Variants in PLOD3 observed in about 807,000 individuals in gnomAD.
The protein encoded by PLOD3 is procollagen-lysine,2-oxoglutarate 5-dioxygenase 3.
In PLOD3, 73 loss-of-function variants were observed where a neutral mutation model predicts 96.9. That is an observed-to-expected ratio of 0.75 (90% confidence interval 0.62 to 0.92). PLOD3 has a LOEUF of 0.92. Among genes scored for constraint, PLOD3 ranks in the 40% least tolerant of loss-of-function variants. The pLI, the probability that PLOD3 is intolerant of heterozygous loss-of-function variation, is 0.00. For missense variants in PLOD3, 1,004 were observed against 1,004.3 expected, an observed-to-expected ratio of 1.00 and a Z score of 0.00; for synonymous variants, 454 against 413.7, an observed-to-expected ratio of 1.10 and a Z score of -1.18.
intron 15 of PLOD3, among the ~76,000 whole-genome samples, chr7:101,209,433 A>C (rs1439334404): frequency 1.3e-5 from 2 of 151,672 alleles, no homozygotes; most frequent in African/African-American, 4.8e-5. Flanking sequence ...GGTGGAGTGC[A>C]GTGGCGTGAT....
chr7:101,212,608 C>T lies in PLOD3; in HGVS notation c.927G>A (p.Pro309=), dbSNP rs753031028. 27 of 1,613,670 alleles carry T rather than the reference C, an allele frequency of 1.7e-5. No individual in the cohort carries two copies. The highest frequency in any genetic ancestry group is 5.0e-5 in the Admixed American group (3 of 59,932). Residue 309 remains proline (P), a synonymous_variant, in exon 9 of 19, where the codon CCG becomes CCA. Coordinates refer to ENST00000223127, the MANE Select transcript of PLOD3 (RefSeq NM_001084.5). The part of the protein sequence containing the change: ...FLAVFVEQPT[P]FLPRFLQRLL... ...GCCGCTGCAGGAAGCGGGGCAGAAA[C>T]GGAGTAGGCTGTTCCACAAACACGG...
At chr7:101,210,784 C>G in intron 12 of PLOD3, 111 bp from the exon 13 acceptor site, 2 of 1,195,768 alleles carry the variant, frequency 1.7e-6, no homozygotes, top group South Asian at 2.7e-5. Flanking sequence ...GAACATAAGG[C>G]CCCTGCATGT....
At chr7:101,206,643 C>T (rs1052002187) in intron 18 of PLOD3, 136 bp downstream of exon 18, 26 of 1,135,642 alleles carry the variant, frequency 2.3e-5, no homozygotes, top group Non-Finnish European at 2.9e-5. Context: ...TGCCCAGAAG[C>T]GATCCAGGAG....
Position 101,210,611 on chromosome 7 carries a change from A to G in PLOD3, c.1421T>C (p.Met474Thr). The change falls in exon 13 of 19, where the codon ATG becomes ACG. Residue 474 changes from methionine to threonine, a missense_variant. This residue lies in a region of PLOD3 where 690 missense variants were observed against 650.2 expected (regional missense o/e 1.06). Transcript: ENST00000223127. ...GAACACATCCCTCTGGGGCAGCTCC[A>G]TCCGCAGGGTATCACCCCGGATCAC... ...AYVIRGDTLR[M>T]ELPQRDVFSG... is the part of the protein sequence containing the mutation. The G allele has an allele frequency of 6.2e-7, 1 of 1,614,166 alleles. No individual in the cohort carries two copies. Among genetic ancestry groups the G allele is most frequent in the Non-Finnish European group, 8.5e-7 (1 of 1,180,002 alleles).
chr7:101,212,869 C>T lies in PLOD3; in HGVS notation c.852G>A (p.Gln284=), dbSNP rs1337433351. 3 of 1,613,576 alleles carry T rather than the reference C, an allele frequency of 1.9e-6. No individual in the cohort carries two copies. Among genetic ancestry groups the T allele is most frequent in the East Asian group, 4.5e-5 (2 of 44,872 alleles). Residue 284 remains glutamine (Q), a synonymous_variant, in exon 8 of 19, where the codon CAG becomes CAA. Transcript: ENST00000223127. ...GCCCCCCCGGGAGTGTCCTCCGGTC[C>T]TGGTTGCAGAAGCCACAGCCTCCCT... ...TPEGGCGFCN[Q]DRRTLPGGQP...
Position 101,212,208 on chromosome 7 carries a change from C to T in PLOD3, c.1127+45G>A, listed in dbSNP as rs1238358417. On this transcript the variant is annotated intron_variant, in intron 10 of 18. Transcript: ENST00000223127. ...GCAGCAGGTGGCAGCACCCCTGACC[C>T]TACAGCCTCATCCCACCCTCTCCTC... 4 of 1,606,558 alleles carry T rather than the reference C, an allele frequency of 2.5e-6. No individual in the cohort carries two copies. In the South Asian group the frequency reaches 4.4e-5, roughly 18 times the overall value.
intron 6 of PLOD3, chr7:101,213,419 G>A (rs1798218865): frequency 3.3e-6 from 2 of 605,212 alleles, no homozygotes; most frequent in Non-Finnish European, 5.9e-6. Context: ...TCACACCGCA[G>A]CTGGGCGAGG....
At chr7:101,207,013 G>T in intron 17 of PLOD3, 109 bp from the exon 18 acceptor site, 1 of 1,293,860 alleles carries the variant, frequency 7.7e-7, no homozygotes. Context: ...CACTCAGGCT[G>T]GAGTGCAGTG....
At chr7:101,207,528 G>A (rs754327491) in intron 17 of PLOD3, 50 bp downstream of exon 17, 26 of 1,595,316 alleles carry the variant, frequency 1.6e-5, no homozygotes, top group African/African-American at 1.1e-4. Flanking sequence ...CTTCCTGTCC[G>A]GGACTGGGGT....
At position 101,212,884 on chromosome 7, in the gene PLOD3, A is replaced by G; in HGVS notation, c.837T>C (p.Cys279=). 3.1e-6 allele frequency: 5 copies of G among 1,613,626 alleles called. No homozygotes were observed. Among genetic ancestry groups the G allele is most frequent in the Non-Finnish European group, 4.2e-6 (5 of 1,179,748 alleles). ...VPNGWTPEGG[C]GFCNQDRRTL... ...TCCTCCGGTCCTGGTTGCAGAAGCC[A>G]CAGCCTCCCTCAGGAGTCCAGCCAT... The change falls in exon 8 of 19, where the codon TGT becomes TGC. Residue 279 remains cysteine (C), a synonymous_variant. Transcript: ENST00000223127.
At chr7:101,212,977 G>GCCT in intron 7 of PLOD3, 34 bp from the exon 8 acceptor site, 1 of 1,518,014 alleles carries the variant, frequency 6.6e-7, no homozygotes, top group Non-Finnish European at 9.1e-7. Context: ...AGTGGCTGAG[G>GCCT]CCTCCAGGGG....
In PLOD3 at chr7:101,206,414, C is replaced by A; in HGVS notation, c.2084G>T (p.Arg695Leu). The A allele has an allele frequency of 1.2e-6, 2 of 1,611,178 alleles. No individual in the cohort carries two copies. The highest frequency in any genetic ancestry group is 1.7e-6 in the Non-Finnish European group (2 of 1,178,880). Residue 695 changes from arginine (R) to leucine (L), a missense_variant, in exon 19 of 19, where the codon CGC becomes CTC. Around this residue, in one of 5 missense-constraint regions of PLOD3, gnomAD observed 222 missense variants for 220.4 expected, o/e 1.01. Coordinates refer to ENST00000223127, the MANE Select transcript of PLOD3 (RefSeq NM_001084.5). ...DYEGGGCRFL[R>L]YDCVISSPRK... ...CGGGGAGGAGATCACACAGTCGTAG[C>A]GCAGGAAGCGGCAGCCACCTCCCTG...
rs1225702520 is a variant in PLOD3, at chr7:101,217,156, G to A, written c.109+10C>T. ...CCCCTCGGCCGTGCCGGGCCTCCCC[G>A]GGATCTCACCTGGGTTGACCGGGTC... On this transcript the variant is annotated intron_variant, in intron 1 of 18. Transcript: ENST00000223127. 6.1e-6 allele frequency: 9 copies of A among 1,463,570 alleles called. No homozygotes were observed. The Admixed American group carries it at 7.9e-5, about 13-fold the overall frequency. 90.7% of individuals were successfully genotyped at this position (1,463,570 alleles called of 1,614,324 possible). A position where few individuals can be genotyped will look rare whatever the true frequency, so the allele number is the denominator to read the frequency against.
In PLOD3 at chr7:101,210,098, C is replaced by G. The variant is rs140879834; in HGVS notation, c.1678G>C (p.Glu560Gln). 2,457 of 1,594,700 alleles carry G rather than the reference C, an allele frequency of 1.5e-3. 10 individuals are homozygous for G. Among genetic ancestry groups the G allele is most frequent in the South Asian group, 8.3e-3 (734 of 87,928 alleles). Reference protein sequence around the residue: ...SRALEGEGIVEQPCPDVYWFP... With the variant: ...SRALEGEGIVQQPCPDVYWFP... ...GGGAGGCTGCGTGGGCTCACCTGCT[C>G]CACGATTCCTTCCCCTTCCAGGGCC... Residue 560 changes from glutamate (E) to glutamine (Q), a missense_variant, in exon 15 of 19, where the codon GAG (glutamate) becomes CAG (glutamine). Coordinates refer to ENST00000223127, the MANE Select transcript of PLOD3 (RefSeq NM_001084.5).
At position 101,216,026 on chromosome 7, in the gene PLOD3, G is replaced by A. The variant is rs908431051; in HGVS notation, c.503-6C>T. 1.2e-5 allele frequency: 20 copies of A among 1,612,536 alleles called. No individual in the cohort carries two copies. The highest frequency in any genetic ancestry group is 6.7e-5 in the East Asian group (3 of 44,864). On this transcript the variant is annotated splice_polypyrimidine_tract_variant and splice_region_variant and intron_variant, in intron 4 of 18. Transcript: ENST00000223127. Reference sequence around the variant, plus strand: ...GGTGGCAAAACCGATGAATCCTGGCGGGGAGGGGGAGTGTTGACCTCGAGA... The same window carrying A: ...GGTGGCAAAACCGATGAATCCTGGCAGGGAGGGGGAGTGTTGACCTCGAGA...
Position 101,210,690 on chromosome 7 carries a change from C to T in PLOD3, c.1359-17G>A, listed in dbSNP as rs542053469. 21 of 1,613,186 alleles carry T rather than the reference C, an allele frequency of 1.3e-5. No individual in the cohort carries two copies. In the East Asian group the frequency reaches 2.0e-4, roughly 15 times the overall value. On this transcript the variant is annotated splice_polypyrimidine_tract_variant and intron_variant, in intron 12 of 18. Coordinates refer to ENST00000223127, the MANE Select transcript of PLOD3 (RefSeq NM_001084.5). Reference sequence around the variant, plus strand: ...CACACACCCCTGGAGGCACCGACACCGCGGTCAGCTGGGAGGACAGCCCCC... The same window carrying T: ...CACACACCCCTGGAGGCACCGACACTGCGGTCAGCTGGGAGGACAGCCCCC...
At chr7:101,210,068 G>C in intron 15 of PLOD3, 25 bp downstream of exon 15, 1 of 1,508,662 alleles carries the variant, frequency 6.6e-7, no homozygotes. Flanking sequence ...GGCAGGGGGT[G>C]GGTGGGGAGG....
Position 101,208,960 on chromosome 7 carries a change from G to A in PLOD3, c.1684-3C>T. ...AACCAGTACACGTCCGGGCATGGCTGAGGATGGGGCGAGGGAGAACAGGGC... is the reference window on the plus strand; with the variant it reads ...AACCAGTACACGTCCGGGCATGGCTAAGGATGGGGCGAGGGAGAACAGGGC... On this transcript the variant is annotated splice_polypyrimidine_tract_variant and splice_region_variant and intron_variant, in intron 15 of 18. Transcript: ENST00000223127. The A allele has an allele frequency of 6.2e-7, 1 of 1,606,170 alleles. No individual in the cohort carries two copies. The highest frequency in any genetic ancestry group is 1.1e-5 in the South Asian group (1 of 90,948).
At chr7:101,213,637 C>T (rs1219040862) in intron 6 of PLOD3, 2 of 196,458 alleles carry the variant, frequency 1.0e-5, no homozygotes, top group Admixed American at 5.4e-5. Flanking sequence ...TTGCCTCAGC[C>T]TTTCAGGTAG....
Sources: allele counts gnomAD v4.1 joint callset (sites outside exome capture counted in the v4.1 genomes callset), GRCh38; gene constraint gnomAD v4.1.1; regional missense constraint gnomAD v4.1.1; transcripts MANE v1.5; gene names NCBI Gene and HGNC (gene_info 2026-07-23, HGNC 2026-07-21).